The following SHC4 variants were observed in gnomAD, a reference collection of about 807,000 sequenced individuals.
SHC4 encodes SHC adaptor protein 4, also known as SHC-transforming protein 4.
In SHC4, 41 loss-of-function variants were observed where a neutral mutation model predicts 69.4. That is an observed-to-expected ratio of 0.59 (90% CI 0.46 to 0.77). The LOEUF (loss-of-function observed/expected upper bound fraction) is 0.77. Among genes scored for constraint, SHC4 ranks in the 30% least tolerant of loss-of-function variants. SHC4 has a pLI of 0.00. For synonymous variants in SHC4, 318 were observed against 299.3 expected (o/e 1.06, Z -0.64); for missense variants, 777 against 783.8 (o/e 0.99, Z 0.10).
Position 48,963,012 on chromosome 15 carries a change from G to A in SHC4, c.4C>T (p.Arg2Ter), listed in dbSNP as rs1016352207. M[R>*]ERGQDSLAGL... is the part of the protein sequence containing the mutation. ...GCCAGGCTGTCCTGGCCGCGTTCTC[G>A]CATAGCCTTGGCAGTGCTGAAACAG... Residue 2 changes from arginine to a stop codon, truncating the protein, a stop_gained, in exon 1 of 12, where the codon CGA (arginine) becomes TGA (stop). Coordinates refer to ENST00000332408, the MANE Select transcript of SHC4 (RefSeq NM_203349.4). LOFTEE classifies it high-confidence loss of function. The A allele has an allele frequency of 3.7e-6, 6 of 1,604,550 alleles. No individual in the cohort carries two copies. The African/African-American group carries it at 4.0e-5, about 11-fold the overall frequency.
Position 48,884,245 on chromosome 15 carries a change from T to C in SHC4, c.840+3A>G, listed in dbSNP as rs1390731173. 1.9e-6 allele frequency: 3 copies of C among 1,594,574 alleles called. No homozygotes were observed. Among genetic ancestry groups the C allele is most frequent in the Admixed American group, 3.6e-5 (2 of 54,926 alleles). The stretch of plus-strand genomic sequence containing the variant: ...TATCTATAAATGACATTTGTGATCT[T>C]ACCTGTTGGTTGTCAAGATTCATCA... On this transcript the variant is annotated splice_donor_region_variant and intron_variant, in intron 4 of 11. Coordinates refer to ENST00000332408, the MANE Select transcript of SHC4 (RefSeq NM_203349.4).
chr15:48,921,554 C>A (rs1006404166), intron 2 of SHC4, among the ~76,000 whole-genome samples: 5 of 152,130 alleles, frequency 3.3e-5, no homozygotes, highest in Admixed American at 1.3e-4. Flanking sequence ...CAGGTGATCT[C>A]AAATCCCTGA....
At chr15:48,914,157 G>C (rs887812489) in intron 2 of SHC4, among the ~76,000 whole-genome samples, 1 of 152,200 alleles carries the variant, frequency 6.6e-6, no homozygotes. Context: ...CACCGCGCCC[G>C]GCGCGACATT....
intron 10 of SHC4, among the ~76,000 whole-genome samples, chr15:48,839,878 T>A (rs913221177): frequency 2.6e-5 from 4 of 152,204 alleles, no homozygotes; most frequent in Admixed American, 6.5e-5. Flanking sequence ...CTATCCTCCC[T>A]TTCATTACAT....
At chr15:48,913,214 G>A (rs568481026) in intron 2 of SHC4, among the ~76,000 whole-genome samples, 2 of 151,814 alleles carry the variant, frequency 1.3e-5, no homozygotes, top group South Asian at 2.1e-4. Flanking sequence ...GGACCATCAG[G>A]TGGGGGTGGG....
intron 9 of SHC4, among the ~76,000 whole-genome samples, chr15:48,848,001 T>TAA (rs571529935): frequency 0.019 from 1,846 of 99,744 alleles, 17 homozygotes; most frequent in Non-Finnish European, 0.029. Context: ...AAACTCCGTC[T>TAA]AAAAAAAAAA....
chr15:48,952,317 C>T (rs571832292), intron 1 of SHC4, among the ~76,000 whole-genome samples: 1 of 152,110 alleles, frequency 6.6e-6, no homozygotes, highest in African/African-American at 2.4e-5. Flanking sequence ...ACCCCTCTAA[C>T]TAGAGGAAGT....
At chr15:48,860,439 A>G (rs1899419615) in intron 6 of SHC4, among the ~76,000 whole-genome samples, 1 of 152,184 alleles carries the variant, frequency 6.6e-6, no homozygotes, top group Non-Finnish European at 1.5e-5. Flanking sequence ...CCTGGGAGGC[A>G]GAGGTTGCAG....
intron 1 of SHC4, among the ~76,000 whole-genome samples, chr15:48,957,317 G>C (rs1901472843): frequency 6.6e-6 from 1 of 152,154 alleles, no homozygotes; most frequent in Non-Finnish European, 1.5e-5. Flanking sequence ...GCCCACAGAG[G>C]TGAAGTGACC....
chr15:48,955,398 G>A (rs1013532682), intron 1 of SHC4, among the ~76,000 whole-genome samples: 1 of 152,096 alleles, frequency 6.6e-6, no homozygotes, highest in Admixed American at 6.5e-5. Flanking sequence ...TGTCATATTG[G>A]GGTCCAGGCT....
At chr15:48,951,024 C>T (rs922563971) in intron 1 of SHC4, among the ~76,000 whole-genome samples, 5 of 152,052 alleles carry the variant, frequency 3.3e-5, no homozygotes, top group African/African-American at 1.2e-4. Flanking sequence ...ACTGCCCATT[C>T]CCTTCCTCCC....
chr15:48,847,950 C>T (rs535246138), intron 9 of SHC4, among the ~76,000 whole-genome samples: 8 of 147,430 alleles, frequency 5.4e-5, no homozygotes, highest in South Asian at 2.1e-4. Flanking sequence ...TGCAGTGAGC[C>T]GAGATGGCGC....
intron 4 of SHC4, chr15:48,878,204 C>T (rs1899859073): frequency 1.9e-6 from 3 of 1,574,954 alleles, no homozygotes; most frequent in Non-Finnish European, 2.6e-6. Context: ...GTTGTCCGAG[C>T]TGTATGAAGA....
At chr15:48,886,939 T>A (rs1900046439) in intron 3 of SHC4, among the ~76,000 whole-genome samples, 1 of 152,110 alleles carries the variant, frequency 6.6e-6, no homozygotes, top group Non-Finnish European at 1.5e-5. Flanking sequence ...CAGAGGTGCT[T>A]ATCCACATTT....
At chr15:48,905,911 G>C (rs149788313) in intron 2 of SHC4, among the ~76,000 whole-genome samples, 34 of 152,280 alleles carry the variant, frequency 2.2e-4, no homozygotes, top group Non-Finnish European at 4.0e-4. Context: ...TAAATTAGCA[G>C]GCCCTGCTTT....
intron 4 of SHC4, chr15:48,879,290 A>C (rs1899893067): frequency 6.0e-6 from 1 of 167,882 alleles, no homozygotes; most frequent in South Asian, 2.0e-4. Flanking sequence ...GAGTAAACTC[A>C]AATATGTATC....
chr15:48,878,225 C>A (rs771216755), intron 4 of SHC4: 6 of 1,604,774 alleles, frequency 3.7e-6, no homozygotes, highest in Non-Finnish European at 5.1e-6. Flanking sequence ...GAGCAGTGAC[C>A]TGCAGATGGA....
intron 2 of SHC4, among the ~76,000 whole-genome samples, chr15:48,918,330 C>T (rs753032149): frequency 5.9e-5 from 9 of 152,202 alleles, no homozygotes; most frequent in Non-Finnish European, 1.2e-4. Context: ...CTCACCTTGA[C>T]TTTAAACTGG....
chr15:48,910,357 C>G (rs562411319), intron 2 of SHC4, among the ~76,000 whole-genome samples: 2 of 152,174 alleles, frequency 1.3e-5, no homozygotes, highest in Admixed American at 1.3e-4. Context: ...TAAAGGTGCT[C>G]ATAGTAGCCT....
Sources: gnomAD v4.1 joint callset for allele counts (sites outside exome capture counted in the v4.1 genomes callset) on GRCh38, gnomAD v4.1.1 for gene constraint, MANE v1.5 for transcripts, NCBI Gene and HGNC (gene_info 2026-07-23, HGNC 2026-07-21) for gene names.